OR5V1: variants seen among roughly 807,000 people sequenced by gnomAD.
OR5V1 encodes the protein olfactory receptor family 5 subfamily V member 1, also known as olfactory receptor 5V1.
For synonymous variants in OR5V1, 134 were observed against 143.2 expected, an observed-to-expected ratio of 0.94 and a Z score of 0.46; for missense variants, 365 against 371.5, an observed-to-expected ratio of 0.98 and a Z score of 0.14.
At chr6:29,357,110 C>G (rs1318043823) in intron 1 of OR5V1, among the ~76,000 whole-genome samples, 2 of 152,070 alleles carry the variant, frequency 1.3e-5, no homozygotes, top group East Asian at 3.9e-4. Context: ...GAATTAGAAA[C>G]CTATTGCTAT....
chr6:29,359,038 T>G (rs1366596495), intron 1 of OR5V1, among the ~76,000 whole-genome samples: 1 of 152,204 alleles, frequency 6.6e-6, no homozygotes, highest in African/African-American at 2.4e-5. Flanking sequence ...CATTATAACA[T>G]CACGTTATAT....
chr6:29,362,492 C>A (rs1778614314), intron 1 of OR5V1, among the ~76,000 whole-genome samples: 1 of 152,204 alleles, frequency 6.6e-6, no homozygotes, highest in African/African-American at 2.4e-5. Flanking sequence ...ACATTCTTCT[C>A]AGCACCACAT....
At chr6:29,364,957 C>G (rs1304584488) in intron 1 of OR5V1, among the ~76,000 whole-genome samples, 1 of 151,874 alleles carries the variant, frequency 6.6e-6, no homozygotes, top group Non-Finnish European at 1.5e-5. Flanking sequence ...AGAAATAACA[C>G]CACACATCTA....
chr6:29,367,408 C>T (rs981413484), intron 1 of OR5V1, among the ~76,000 whole-genome samples: 5 of 152,086 alleles, frequency 3.3e-5, no homozygotes, highest in African/African-American at 7.2e-5. Context: ...TGAATTAATA[C>T]GTAACTGGGG....
chr6:29,364,880 T>C (rs2151279779), intron 1 of OR5V1, among the ~76,000 whole-genome samples: 1 of 148,184 alleles, frequency 6.7e-6, no homozygotes, highest in African/African-American at 2.5e-5. Context: ...AAGGCTACAG[T>C]AACCAAAACA....
intron 1 of OR5V1, among the ~76,000 whole-genome samples, chr6:29,363,310 G>A (rs1008649389): frequency 2.0e-5 from 3 of 152,070 alleles, no homozygotes; most frequent in Non-Finnish European, 4.4e-5. Context: ...GTAATTAGTA[G>A]CCTAAAAAAA....
chr6:29,362,315 TAGACTCCCATACAATAATAATGGA>T (rs750003626), intron 1 of OR5V1, among the ~76,000 whole-genome samples: 1 of 152,168 alleles, frequency 6.6e-6, no homozygotes, highest in Non-Finnish European at 1.5e-5. Flanking sequence ...ACAAAAGACT[TAGACTCCCATACAATAATAATGGA>T]AGACTTTAAC....
chr6:29,355,957 T>TG lies in OR5V1; in HGVS notation c.238dup (p.Gln80ProfsTer42). The TG allele has an allele frequency of 6.2e-7, 1 of 1,614,048 alleles. No individual in the cohort carries two copies. Among genetic ancestry groups the TG allele is most frequent in the Non-Finnish European group, 8.5e-7 (1 of 1,179,950 alleles). On this transcript the variant is annotated frameshift_variant, in exon 2 of 2. Coordinates refer to ENST00000641768, the MANE Select transcript of OR5V1 (RefSeq NM_030876.6). LOFTEE classifies it low-confidence loss of function (END_TRUNC). ...CTTTGAGAGGAGGTGCACCATCATC[T>TG]GGGGGACATTGCTGGTGGTGTAGCA...
intron 1 of OR5V1, among the ~76,000 whole-genome samples, chr6:29,365,730 G>A (rs919000843): frequency 2.0e-5 from 3 of 152,180 alleles, no homozygotes; most frequent in Non-Finnish European, 4.4e-5. Context: ...TTCAACCATT[G>A]TGGAAGGCAG....
At chr6:29,360,292 T>C (rs1477063414) in intron 1 of OR5V1, among the ~76,000 whole-genome samples, 1 of 152,220 alleles carries the variant, frequency 6.6e-6, no homozygotes, top group East Asian at 1.9e-4. Context: ...AACTCCCATC[T>C]TCCTGGGACA....
Position 29,355,395 on chromosome 6 carries a change from T to C in OR5V1, c.801A>G (p.Ser267=). Residue 267 remains serine (S), a synonymous_variant, in exon 2 of 2, where the codon TCA becomes TCG. Coordinates refer to ENST00000641768, the MANE Select transcript of OR5V1 (RefSeq NM_030876.6). ...FTYVRPISTY[S]LKKDRLVSVL... ...CTGAAACCAACCTATCTTTCTTTAA[T>C]GAGTAAGTTGAGATGGGCCGTACAT... is the stretch of plus-strand genomic sequence containing the variant. 3 of 1,613,948 alleles carry C rather than the reference T, an allele frequency of 1.9e-6. No homozygotes were observed. Among genetic ancestry groups the C allele is most frequent in the Non-Finnish European group, 2.5e-6 (3 of 1,179,894 alleles).
intron 1 of OR5V1, among the ~76,000 whole-genome samples, chr6:29,363,336 A>T (rs1778672426): frequency 6.6e-6 from 1 of 152,168 alleles, no homozygotes; most frequent in Admixed American, 6.5e-5. Context: ...AATCTCCAGG[A>T]TCTGATGGAT....
At chr6:29,366,808 G>T (rs73409562) in intron 1 of OR5V1, among the ~76,000 whole-genome samples, 14 of 152,100 alleles carry the variant, frequency 9.2e-5, no homozygotes, top group Non-Finnish European at 1.6e-4. Flanking sequence ...TTATGAGATG[G>T]TATCAGCTGT....
intron 1 of OR5V1, 62 bp downstream of exon 1, chr6:29,368,570 A>G (rs1217845821): frequency 6.6e-6 from 1 of 152,194 alleles, no homozygotes; most frequent in East Asian, 1.9e-4. Flanking sequence ...GCAAGACAGA[A>G]AAGTGTATCT....
Position 29,356,005 on chromosome 6 carries a change from C to T in OR5V1, c.191G>A (p.Gly64Glu). 2 of 1,613,952 alleles carry T rather than the reference C, an allele frequency of 1.2e-6. No homozygotes were observed. The highest frequency in any genetic ancestry group is 1.7e-6 in the Non-Finnish European group (2 of 1,179,954). The change falls in exon 2 of 2, where the codon GGG becomes GAG. Residue 64 changes from glycine to glutamate, a missense_variant. Coordinates refer to ENST00000641768, the MANE Select transcript of OR5V1 (RefSeq NM_030876.6). ...GCAGATGTCAATAAAGGCCAAGTTC[C>T]CTAGAAAATAATACATAGGTGTATG... is the stretch of plus-strand genomic sequence containing the variant. ...HLHTPMYYFL[G>E]NLAFIDICYT...
At chr6:29,365,292 A>G (rs986163915) in intron 1 of OR5V1, among the ~76,000 whole-genome samples, 2 of 152,016 alleles carry the variant, frequency 1.3e-5, no homozygotes, top group Admixed American at 1.3e-4. Context: ...GCCAAAATTG[A>G]CAAACGGGAT....
At position 29,355,161 on chromosome 6, in the gene OR5V1, C is replaced by T. The variant is rs1778190346; in HGVS notation, c.*69G>A. The T allele has an allele frequency of 4.8e-6, 7 of 1,467,128 alleles. No homozygotes were observed. The East Asian group carries it at 1.4e-4, about 29-fold the overall frequency. The allele number at this position is 1,467,128 out of a possible 1,614,324, so 90.9% of individuals were successfully genotyped here. A position where few individuals can be genotyped will look rare whatever the true frequency, so the allele number is the denominator to read the frequency against. ...CCCAACATTGCAATTATCTTTTAAA[C>T]TTTCAATAAAAACAGCTGACTGGTG... On this transcript the variant is annotated 3_prime_UTR_variant, in exon 2 of 2. Transcript: ENST00000641768.
intron 1 of OR5V1, among the ~76,000 whole-genome samples, chr6:29,366,696 G>T (rs1481793796): frequency 6.6e-6 from 1 of 152,114 alleles, no homozygotes; most frequent in African/African-American, 2.4e-5. Context: ...GTTATTAAAA[G>T]AACTGTTTGT....
chr6:29,357,891 A>G (rs1778390551), intron 1 of OR5V1, among the ~76,000 whole-genome samples: 1 of 152,226 alleles, frequency 6.6e-6, no homozygotes, highest in South Asian at 2.1e-4. Flanking sequence ...AAAAACTTAG[A>G]TAAATAAAAC....
Sources: allele counts gnomAD v4.1 joint callset (sites outside exome capture counted in the v4.1 genomes callset), GRCh38; gene constraint gnomAD v4.1.1; transcripts MANE v1.5; gene names NCBI Gene and HGNC (gene_info 2026-07-23, HGNC 2026-07-21).